The following GNB5 variants were observed in gnomAD, a reference collection of about 807,000 sequenced individuals.
GNB5 encodes the protein G protein subunit beta 5.
GNB5 carries 37 observed loss-of-function variants against 55.3 expected under a neutral mutation model. The ratio of observed to expected loss-of-function variants is 0.67; its 90% CI spans 0.51 to 0.88. The LOEUF is 0.88. GNB5 is among the 40% of genes least tolerant of loss of function. The probability of loss-of-function intolerance (pLI) is 0.00; values close to 1 mark genes in which losing one functional copy is unlikely to be tolerated. For missense variants in GNB5, 476 were observed against 515.3 expected, an observed-to-expected ratio of 0.92 and a Z score of 0.74; for synonymous variants, 219 against 198.5, an observed-to-expected ratio of 1.10 and a Z score of -0.87.
intron 2 of GNB5, among the ~76,000 whole-genome samples, chr15:52,184,153 A>G (rs899068949): frequency 6.6e-6 from 1 of 152,244 alleles, no homozygotes; most frequent in African/African-American, 2.4e-5. Context: ...AAAAAGTATT[A>G]GCCCTAAGAA....
At chr15:52,178,798 T>G (rs1478699342) in intron 3 of GNB5, among the ~76,000 whole-genome samples, 3 of 152,126 alleles carry the variant, frequency 2.0e-5, no homozygotes, top group African/African-American at 7.2e-5. Context: ...CGAACCCCAT[T>G]TTTCCATTCC....
chr15:52,180,093 C>A, intron 2 of GNB5: 1 of 418,162 alleles, frequency 2.4e-6, no homozygotes, highest in Non-Finnish European at 3.8e-6. Context: ...GTGCGATGTC[C>A]GCGTCAGCCT....
intron 10 of GNB5, among the ~76,000 whole-genome samples, chr15:52,127,260 A>T (rs2033453449): frequency 6.6e-6 from 1 of 152,188 alleles, no homozygotes; most frequent in African/African-American, 2.4e-5. Flanking sequence ...GATGACTTAA[A>T]ACTTAAAACA....
chr15:52,155,113 A>G (rs1459589319), intron 3 of GNB5, among the ~76,000 whole-genome samples: 1 of 152,198 alleles, frequency 6.6e-6, no homozygotes, highest in Non-Finnish European at 1.5e-5. Flanking sequence ...GCTATGTGAG[A>G]AGGAGAAGCC....
In GNB5 at chr15:52,121,781, T is replaced by G. The variant is rs1483567203; in HGVS notation, c.*976A>C. On this transcript the variant is annotated 3_prime_UTR_variant, in exon 13 of 13. Transcript: ENST00000261837. ...ACCACGCCCGGCTAATTTTTTGTATTTTTTAGTAGAGACAGGGTTTCACCG... is the reference window on the plus strand; with the variant it reads ...ACCACGCCCGGCTAATTTTTTGTATGTTTTAGTAGAGACAGGGTTTCACCG... 6.6e-6 allele frequency: 1 copy of G among 151,948 alleles called. No homozygotes were observed. Among genetic ancestry groups the G allele is most frequent in the Non-Finnish European group, 1.5e-5 (1 of 67,976 alleles). The allele number at this position is 151,948 out of a possible 1,614,324, so 9.4% of individuals were successfully genotyped here.
chr15:52,182,211 C>T (rs1161365332), intron 2 of GNB5, among the ~76,000 whole-genome samples: 1 of 152,182 alleles, frequency 6.6e-6, no homozygotes, highest in East Asian at 1.9e-4. Flanking sequence ...CTGAGGCTGC[C>T]TGATACGCTT....
intron 3 of GNB5, among the ~76,000 whole-genome samples, chr15:52,159,258 C>T (rs1280297914): frequency 6.6e-6 from 1 of 152,046 alleles, no homozygotes; most frequent in East Asian, 1.9e-4. Flanking sequence ...GTGGCATGGT[C>T]GGATCTGCCT....
At chr15:52,164,308 T>TAAAAAAA (rs56029917) in intron 3 of GNB5, among the ~76,000 whole-genome samples, 2 of 50,432 alleles carry the variant, frequency 4.0e-5, no homozygotes, top group African/African-American at 1.4e-4. Flanking sequence ...GACTCTGTCT[T>TAAAAAAA]AAAAAAAAAA....
intron 3 of GNB5, among the ~76,000 whole-genome samples, 197 bp from the exon 4 acceptor site, chr15:52,154,273 A>C (rs1276183504): frequency 6.6e-6 from 1 of 152,246 alleles, no homozygotes; most frequent in Non-Finnish European, 1.5e-5. Flanking sequence ...TAGAGGGTAG[A>C]GACAATACTG....
chr15:52,139,729 GCCGCGTCC>G, intron 7 of GNB5: 1 of 1,081,342 alleles, frequency 9.2e-7, no homozygotes, highest in Non-Finnish European at 1.2e-6. Context: ...TGCCTCCCAG[GCCGCGTCC>G]CCGCCGAGGT....
intron 3 of GNB5, among the ~76,000 whole-genome samples, chr15:52,168,129 T>C (rs917819578): frequency 6.6e-6 from 1 of 152,192 alleles, no homozygotes; most frequent in African/African-American, 2.4e-5. Flanking sequence ...CTATTCAATA[T>C]AGTACTGGAA....
intron 6 of GNB5, among the ~76,000 whole-genome samples, chr15:52,145,362 G>C (rs552605789): frequency 1.3e-5 from 2 of 151,984 alleles, no homozygotes; most frequent in Non-Finnish European, 1.5e-5. Flanking sequence ...AATATGGGCC[G>C]GGTGCAGTGG....
At chr15:52,143,758 A>G (rs1357283379) in intron 6 of GNB5, 2 of 152,244 alleles carry the variant, frequency 1.3e-5, no homozygotes, top group African/African-American at 4.8e-5. Flanking sequence ...GGGATGTCAC[A>G]CAGTCATGGT....
At chr15:52,136,630 G>A (rs1395778808) in intron 7 of GNB5, among the ~76,000 whole-genome samples, 1 of 152,202 alleles carries the variant, frequency 6.6e-6, no homozygotes, top group Non-Finnish European at 1.5e-5. Context: ...GTGCTGCCCA[G>A]AGGCTTCCCA....
At chr15:52,168,218 T>C (rs544080797) in intron 3 of GNB5, among the ~76,000 whole-genome samples, 42 of 152,178 alleles carry the variant, frequency 2.8e-4, no homozygotes, top group Non-Finnish European at 4.0e-4. Flanking sequence ...TTATCTTTGT[T>C]TGCAGATGAC....
intron 7 of GNB5, chr15:52,137,766 A>G: frequency 1.2e-5 from 15 of 1,201,792 alleles, no homozygotes; most frequent in Non-Finnish European, 1.6e-5. Flanking sequence ...AGCTGGCGGC[A>G]TCACAGAGCC....
chr15:52,149,650 C>T (rs1234352001), intron 5 of GNB5: 6 of 608,126 alleles, frequency 9.9e-6, no homozygotes, highest in African/African-American at 1.8e-5. Context: ...GTATTGGCAG[C>T]CCCTATGGTG....
chr15:52,184,737 A>C, intron 1 of GNB5, 43 bp from the exon 2 acceptor site: 4 of 1,549,896 alleles, frequency 2.6e-6, no homozygotes, highest in South Asian at 1.2e-5. Context: ...GAGAAAAGCC[A>C]ATGGTTTTAA....
intron 9 of GNB5, among the ~76,000 whole-genome samples, chr15:52,131,547 G>T (rs576369016): frequency 1.3e-5 from 2 of 152,068 alleles, no homozygotes; most frequent in East Asian, 3.9e-4. Context: ...AATACACAGG[G>T]GCTTATTTTT....
Sources: gnomAD v4.1 joint callset for allele counts (sites outside exome capture counted in the v4.1 genomes callset) on GRCh38, gnomAD v4.1.1 for gene constraint, MANE v1.5 for transcripts, NCBI Gene and HGNC (gene_info 2026-07-23, HGNC 2026-07-21) for gene names.